ATRNL1: variants seen among roughly 807,000 people sequenced by gnomAD.
The protein encoded by ATRNL1 is attractin-like protein 1.
Under a neutral mutation model 182.7 loss-of-function variants are expected in ATRNL1, and 95 were observed. The ratio of observed to expected loss-of-function variants is 0.52; its 90% confidence interval spans 0.44 to 0.62. The LOEUF (loss-of-function observed/expected upper bound fraction) is 0.62. Ranked by LOEUF, ATRNL1 falls within the 20% of genes least tolerant of loss-of-function variation. ATRNL1 has a pLI of 0.00. For synonymous variants in ATRNL1, 576 were observed against 568.3 expected (o/e 1.01, Z -0.19); for missense variants, 1,471 against 1,679.5 (o/e 0.88, Z 2.17).
At chr10:115,551,602 T>A (rs562734988) in intron 26 of ATRNL1, among the ~76,000 whole-genome samples, 1 of 151,496 alleles carries the variant, frequency 6.6e-6, no homozygotes, top group Non-Finnish European at 1.5e-5. Flanking sequence ...AAAGAAAATG[T>A]ATCTTGAGGG....
intron 26 of ATRNL1, among the ~76,000 whole-genome samples, chr10:115,625,524 AC>A (rs1341810805): frequency 1.3e-5 from 2 of 152,214 alleles, no homozygotes; most frequent in African/African-American, 4.8e-5. Context: ...AAATATTCAA[AC>A]AAAAAAGTTT....
chr10:115,856,776 T>C (rs1555102243), intron 28 of ATRNL1, among the ~76,000 whole-genome samples: 1 of 152,162 alleles, frequency 6.6e-6, no homozygotes, highest in Non-Finnish European at 1.5e-5. Flanking sequence ...CAGGCTGTGA[T>C]GTTCACTCAC....
chr10:115,658,873 G>A (rs548823008), intron 26 of ATRNL1, among the ~76,000 whole-genome samples: 24 of 152,222 alleles, frequency 1.6e-4, no homozygotes, highest in South Asian at 6.2e-4. Context: ...TGGCTGTGGC[G>A]GCCTCGGGAA....
At chr10:115,230,902 AGAGAGAGAG>A (rs1849905345) in intron 9 of ATRNL1, among the ~76,000 whole-genome samples, 1 of 150,144 alleles carries the variant, frequency 6.7e-6, no homozygotes, top group Admixed American at 6.6e-5. Context: ...AGAGAGAGAG[AGAGAGAGAG>A]AGAGAGAGAG....
At chr10:115,187,224 C>A (rs1847977292) in intron 8 of ATRNL1, among the ~76,000 whole-genome samples, 1 of 151,506 alleles carries the variant, frequency 6.6e-6, no homozygotes, top group Non-Finnish European at 1.5e-5. Flanking sequence ...TATGACCCCA[C>A]AGGACATAGC....
chr10:115,506,704 A>C (rs1162851840), intron 24 of ATRNL1, among the ~76,000 whole-genome samples: 1 of 152,010 alleles, frequency 6.6e-6, no homozygotes, highest in Non-Finnish European at 1.5e-5. Flanking sequence ...TCTCGACCAA[A>C]TTTTGGGAGA....
chr10:115,213,654 AT>A (rs1428828098), intron 8 of ATRNL1, among the ~76,000 whole-genome samples: 6 of 150,630 alleles, frequency 4.0e-5, no homozygotes, highest in African/African-American at 1.5e-4. Context: ...AGTCTACACT[AT>A]CTTGTTCCAC....
chr10:115,121,673 G>T, intron 2 of ATRNL1, 26 bp from the exon 3 acceptor site: 1 of 1,081,436 alleles, frequency 9.2e-7, no homozygotes, highest in South Asian at 1.7e-5. Flanking sequence ...ATTTTAATTT[G>T]AAAAATATTT....
chr10:115,902,543 G>T (rs574043865), intron 28 of ATRNL1, among the ~76,000 whole-genome samples: 1 of 152,276 alleles, frequency 6.6e-6, no homozygotes, highest in South Asian at 2.1e-4. Flanking sequence ...CTTGCATGGA[G>T]ATGAGTGGAG....
intron 8 of ATRNL1, among the ~76,000 whole-genome samples, chr10:115,191,625 C>T (rs1356812356): frequency 6.6e-6 from 1 of 152,010 alleles, no homozygotes; most frequent in Non-Finnish European, 1.5e-5. Flanking sequence ...GAGCAGCTTC[C>T]CCCATGCTGT....
At chr10:115,490,282 G>T (rs533100167) in intron 24 of ATRNL1, among the ~76,000 whole-genome samples, 8 of 152,224 alleles carry the variant, frequency 5.3e-5, no homozygotes, top group Non-Finnish European at 8.8e-5. Flanking sequence ...GCATTGCTAG[G>T]TCGGGGCAGT....
intron 24 of ATRNL1, among the ~76,000 whole-genome samples, chr10:115,508,712 G>A (rs991593768): frequency 6.6e-6 from 1 of 151,992 alleles, no homozygotes; most frequent in African/African-American, 2.4e-5. Context: ...GTCTGAGAGA[G>A]GTGAGGAAGA....
chr10:115,495,373 A>G (rs1849492995), intron 24 of ATRNL1, among the ~76,000 whole-genome samples: 1 of 151,804 alleles, frequency 6.6e-6, no homozygotes, highest in South Asian at 2.1e-4. Flanking sequence ...TGGGTTTTGT[A>G]TGCCCTTGTA....
At chr10:115,458,415 T>G (rs1847630652) in intron 21 of ATRNL1, among the ~76,000 whole-genome samples, 1 of 152,148 alleles carries the variant, frequency 6.6e-6, no homozygotes, top group East Asian at 1.9e-4. Flanking sequence ...GGTATTCTTA[T>G]TAGACACTTG....
intron 26 of ATRNL1, chr10:115,597,891 A>G (rs1555014689): frequency 1.3e-5 from 3 of 227,498 alleles, no homozygotes; most frequent in African/African-American, 2.4e-5. Flanking sequence ...TCATTTCTGT[A>G]GTAGATTAAG....
intron 26 of ATRNL1, among the ~76,000 whole-genome samples, chr10:115,670,765 C>T (rs573499070): frequency 6.6e-6 from 1 of 152,230 alleles, no homozygotes; most frequent in African/African-American, 2.4e-5. Context: ...CCCTGTGTTT[C>T]AGTGAGGTAT....
chr10:115,454,823 A>AT (rs377272950), intron 21 of ATRNL1, among the ~76,000 whole-genome samples: 60 of 152,008 alleles, frequency 3.9e-4, no homozygotes, highest in African/African-American at 1.1e-3. Flanking sequence ...AGCCTTTAGT[A>AT]TTTTATCTAC....
chr10:115,250,925 T>C (rs114874180), intron 10 of ATRNL1, among the ~76,000 whole-genome samples: 1,791 of 152,326 alleles, frequency 0.012, 34 homozygotes, highest in African/African-American at 0.04. Context: ...ATTCTGACTA[T>C]GTATGACAAA....
In ATRNL1 at chr10:115,359,345, C is replaced by A. The variant is rs375037764; in HGVS notation, c.3175+24926C>A. 7.0e-4 allele frequency among the ~76,000 whole-genome samples: 106 copies of A among 151,654 alleles called. 2 individuals are homozygous for A. The South Asian group carries it at 0.021, about 31-fold the overall frequency. ...TATTACTACAAAGTAACATTTGTTTCATCTGTTTTAATCATTTTTATATTA... is the reference window on the plus strand; with the variant it reads ...TATTACTACAAAGTAACATTTGTTTAATCTGTTTTAATCATTTTTATATTA... On this transcript the variant is annotated intron_variant, in intron 19 of 28. Coordinates refer to ENST00000355044, the MANE Select transcript of ATRNL1 (RefSeq NM_207303.4).
Sources: allele counts gnomAD v4.1 joint callset (sites outside exome capture counted in the v4.1 genomes callset), GRCh38; gene constraint gnomAD v4.1.1; transcripts MANE v1.5; gene names NCBI Gene and HGNC (gene_info 2026-07-23, HGNC 2026-07-21).